The following QSOX2 variants were observed in gnomAD, a reference collection of about 807,000 sequenced individuals.
The protein encoded by QSOX2 is sulfhydryl oxidase 2.
QSOX2 carries 46 observed loss-of-function variants against 61.7 expected under a neutral mutation model. The ratio of observed to expected loss-of-function variants is 0.75; its 90% CI spans 0.59 to 0.95. QSOX2 has a LOEUF of 0.95. Among genes scored for constraint, QSOX2 ranks in the 40% least tolerant of loss-of-function variants. QSOX2 has a pLI of 0.00. For missense variants in QSOX2, 879 were observed against 918.9 expected, an observed-to-expected ratio of 0.96 and a Z score of 0.56; for synonymous variants, 383 against 388.4, an observed-to-expected ratio of 0.99 and a Z score of 0.16.
At chr9:136,214,047 A>C (rs1831880525) in intron 10 of QSOX2, among the ~76,000 whole-genome samples, 1 of 152,246 alleles carries the variant, frequency 6.6e-6, no homozygotes, top group South Asian at 2.1e-4. Flanking sequence ...GAATTTGAGA[A>C]TCTTACTGGA....
In QSOX2 at chr9:136,209,323, C is replaced by A. The variant is rs768762067; in HGVS notation, c.1550-48G>T. 6.4e-7 allele frequency: 1 copy of A among 1,573,418 alleles called. No homozygotes were observed. The highest frequency in any genetic ancestry group is 8.6e-7 in the Non-Finnish European group (1 of 1,157,446). On this transcript the variant is annotated intron_variant, in intron 11 of 11. Coordinates refer to ENST00000358701, the MANE Select transcript of QSOX2 (RefSeq NM_181701.4). This position sits in a 1 kb window ranked among gnomAD's most constrained non-coding sequence, Gnocchi z 5.6. ...GAGCCAGAGGGAAGGAGGCTTTGTG[C>A]AGCCACGTGCAGCGTGCGGCAACCG...
chr9:136,210,697 G>A, intron 11 of QSOX2: 1 of 985,240 alleles, frequency 1.0e-6, no homozygotes. Flanking sequence ...AAAACCAATA[G>A]TTTAGTGGCA....
chr9:136,219,123 G>T lies in QSOX2; in HGVS notation c.863C>A (p.Ser288Ter), dbSNP rs765531385. The T allele has an allele frequency of 4.3e-6, 7 of 1,614,038 alleles. No homozygotes were observed. Among genetic ancestry groups the T allele is most frequent in the Non-Finnish European group, 5.9e-6 (7 of 1,180,014 alleles). ...CGATTTTTTCCTCACATCCGGCAAT[G>T]ACTTCAAATAAGACGAAAAGAAGGC... Reference protein sequence around the residue: ...LRAFFSSYLKSLPDVRKKSLP... With the variant: ...LRAFFSSYLK The change falls in exon 7 of 12, where the codon TCA becomes TAA. Residue 288 changes from serine to a stop codon, truncating the protein, a stop_gained. Coordinates refer to ENST00000358701, the MANE Select transcript of QSOX2 (RefSeq NM_181701.4). LOFTEE classifies it high-confidence loss of function.
At chr9:136,210,823 CTATTTAAT>C (rs1831835019) in intron 11 of QSOX2, 1 of 984,632 alleles carries the variant, frequency 1.0e-6, no homozygotes, top group Non-Finnish European at 1.2e-6. Context: ...TACATGTGCC[CTATTTAAT>C]TATTTTTTTT....
At chr9:136,225,606 C>T (rs1564293805) in intron 2 of QSOX2, among the ~76,000 whole-genome samples, 2 of 152,218 alleles carry the variant, frequency 1.3e-5, no homozygotes, top group African/African-American at 4.8e-5. Flanking sequence ...CACTGCTGGC[C>T]CTGCAGGTCT....
intron 6 of QSOX2, among the ~76,000 whole-genome samples, 177 bp from the exon 7 acceptor site, chr9:136,219,341 T>C (rs895999334): frequency 6.6e-6 from 1 of 152,178 alleles, no homozygotes; most frequent in African/African-American, 2.4e-5. Flanking sequence ...CGCTTCCACC[T>C]GGGGGATAAG....
chr9:136,212,540 G>A (rs1216086288), intron 10 of QSOX2, among the ~76,000 whole-genome samples: 2 of 152,238 alleles, frequency 1.3e-5, no homozygotes, highest in African/African-American at 4.8e-5. Context: ...GAGCAGAGCA[G>A]AGCAGACCAC....
At chr9:136,230,402 A>G (rs1381181502) in intron 1 of QSOX2, among the ~76,000 whole-genome samples, 1 of 152,234 alleles carries the variant, frequency 6.6e-6, no homozygotes, top group South Asian at 2.1e-4. Flanking sequence ...TAACACCTGG[A>G]ATGCAGAATC....
In QSOX2 at chr9:136,245,630, C is replaced by T. The variant is rs1396360823; in HGVS notation, c.174G>A (p.Ala58=). The T allele has an allele frequency of 2.0e-6, 3 of 1,498,486 alleles. No homozygotes were observed. Among genetic ancestry groups the T allele is most frequent in the East Asian group, 2.8e-5 (1 of 35,936 alleles). The allele number at this position is 1,498,486 out of a possible 1,614,324, so 92.8% of individuals were successfully genotyped here. A position where few individuals can be genotyped will look rare whatever the true frequency, so the allele number is the denominator to read the frequency against. ...GAGGAARLYR[A]GEDAVWVLDS... is the part of the protein sequence containing the mutation. ...CCAGCACCCACACGGCGTCCTCGCC[C>T]GCGCGGTACAGCCGCGCCGCACCGC... Residue 58 remains alanine (A), a synonymous_variant, in exon 1 of 12, where the codon GCG becomes GCA. Transcript: ENST00000358701.
At position 136,224,383 on chromosome 9, in the gene QSOX2, G is replaced by A. The variant is rs184584878; in HGVS notation, c.479-271C>T. ...GCAACAGAGGCAGATGGCAAGACAC[G>A]GCACTGCGAGGAGCAGGCCAGGCGG... On this transcript the variant is annotated intron_variant, in intron 3 of 11. Coordinates refer to ENST00000358701, the MANE Select transcript of QSOX2 (RefSeq NM_181701.4). Among the ~76,000 whole-genome samples, 13 of 152,312 alleles carry A rather than the reference G, an allele frequency of 8.5e-5. No individual in the cohort carries two copies. The South Asian group carries it at 1.4e-3, about 17-fold the overall frequency.
intron 1 of QSOX2, among the ~76,000 whole-genome samples, chr9:136,231,901 C>T: frequency 1.5e-5 from 2 of 133,344 alleles, no homozygotes; most frequent in East Asian, 2.2e-4. Context: ...CCACCCTCTC[C>T]ACCCCCTCCA....
At chr9:136,217,681 G>C (rs1225972423) in intron 8 of QSOX2, among the ~76,000 whole-genome samples, 1 of 152,210 alleles carries the variant, frequency 6.6e-6, no homozygotes, top group Non-Finnish European at 1.5e-5. Flanking sequence ...CGGAGAAGCC[G>C]GGAGAGGAGA....
intron 10 of QSOX2, among the ~76,000 whole-genome samples, chr9:136,213,653 C>T (rs1831875834): frequency 6.6e-6 from 1 of 151,842 alleles, no homozygotes; most frequent in African/African-American, 2.4e-5. Context: ...ATAGTGCCCC[C>T]ATCCCGGGAC....
At chr9:136,225,913 G>T (rs2131059903) in intron 2 of QSOX2, among the ~76,000 whole-genome samples, 1 of 152,392 alleles carries the variant, frequency 6.6e-6, no homozygotes, top group Admixed American at 6.5e-5. Flanking sequence ...AGGAAGCCAT[G>T]CTGACGTAAT....
chr9:136,228,951 C>T (rs927565058), intron 1 of QSOX2, among the ~76,000 whole-genome samples: 1 of 152,150 alleles, frequency 6.6e-6, no homozygotes, highest in Non-Finnish European at 1.5e-5. Context: ...TAAAAGCATG[C>T]CTGGAAGAGA....
chr9:136,223,079 G>A lies in QSOX2; in HGVS notation c.675+684C>T, dbSNP rs1003423888. 1.3e-5 allele frequency among the ~76,000 whole-genome samples: 2 copies of A among 152,256 alleles called. No homozygotes were observed. Among genetic ancestry groups the A allele is most frequent in the African/African-American group, 4.8e-5 (2 of 41,472 alleles). ...AAGTGCGTCTCCAAAAGCCCTCGCAGGGGCAAAGCTGTTTCCTACATTCAC... is the reference window on the plus strand; with the variant it reads ...AAGTGCGTCTCCAAAAGCCCTCGCAAGGGCAAAGCTGTTTCCTACATTCAC... On this transcript the variant is annotated intron_variant, in intron 5 of 11. Coordinates refer to ENST00000358701, the MANE Select transcript of QSOX2 (RefSeq NM_181701.4). The surrounding 1 kb of genome is among the most constrained non-coding windows in gnomAD (Gnocchi z 4.4).
intron 10 of QSOX2, among the ~76,000 whole-genome samples, chr9:136,214,858 CAG>C (rs1369082808): frequency 1.3e-5 from 2 of 152,222 alleles, no homozygotes; most frequent in African/African-American, 4.8e-5. Flanking sequence ...AAGCAAAAAA[CAG>C]GGAGTTTACA....
chr9:136,237,555 A>C (rs1419778721), intron 1 of QSOX2, among the ~76,000 whole-genome samples: 9 of 124,436 alleles, frequency 7.2e-5, no homozygotes, highest in African/African-American at 1.1e-4. Context: ...CCACACCTGG[A>C]GCCCGTCCTG....
chr9:136,213,494 T>C (rs1588632748), intron 10 of QSOX2, among the ~76,000 whole-genome samples: 1 of 151,954 alleles, frequency 6.6e-6, no homozygotes, highest in Non-Finnish European at 1.5e-5. Context: ...TCCCAAGGTT[T>C]CTCCCCAAAA....
Sources: allele counts gnomAD v4.1 joint callset (sites outside exome capture counted in the v4.1 genomes callset), GRCh38; gene constraint gnomAD v4.1.1; non-coding constraint Gnocchi (gnomAD v3.1); transcripts MANE v1.5; gene names NCBI Gene and HGNC (gene_info 2026-07-23, HGNC 2026-07-21).